The following PCDHGA8 variants were observed in gnomAD, a reference collection of about 807,000 sequenced individuals.
PCDHGA8 encodes the protein protocadherin gamma subfamily A, 8.
A neutral mutation model predicts 59.2 loss-of-function variants in PCDHGA8; 45 were observed. The observed-to-expected ratio is 0.76, with a 90% CI of 0.60 to 0.98. The LOEUF (loss-of-function observed/expected upper bound fraction) is 0.98, where lower values mean the gene tolerates loss of function less well. PCDHGA8 is among the 50% of genes least tolerant of loss of function. The pLI is 0.00. For missense variants in PCDHGA8, 1,257 were observed against 1,196.2 expected (o/e 1.05, Z -0.75); for synonymous variants, 531 against 519.0 (o/e 1.02, Z -0.32).
At chr5:141,454,267 A>G (rs1270638226) in intron 1 of PCDHGA8, among the ~76,000 whole-genome samples, 1 of 152,254 alleles carries the variant, frequency 6.6e-6, no homozygotes, top group Non-Finnish European at 1.5e-5. Context: ...AAGTAATGCC[A>G]GCAAAAACTT....
rs544565104 is a variant in PCDHGA8, at chr5:141,489,014, G to A, written c.2425-5793G>A. 2.5e-5 allele frequency: 11 copies of A among 433,976 alleles called. No individual in the cohort carries two copies. The highest frequency in any genetic ancestry group is 1.6e-4 in the Admixed American group (4 of 25,754). The allele number at this position is 433,976 out of a possible 1,614,324, so 26.9% of individuals were successfully genotyped here. On this transcript the variant is annotated intron_variant, in intron 1 of 3. Coordinates refer to ENST00000398604, the MANE Select transcript of PCDHGA8 (RefSeq NM_032088.2). This position sits in a 1 kb window ranked among gnomAD's most constrained non-coding sequence, Gnocchi z 4.5. ...GGTGGGAGATCTGCTCTTCCAGCCC[G>A]CCTCTCCTCCTCCAGCTCCCCAGCT... is the stretch of plus-strand genomic sequence containing the variant.
intron 1 of PCDHGA8, among the ~76,000 whole-genome samples, chr5:141,450,685 C>T (rs542985781): frequency 6.6e-6 from 1 of 152,020 alleles, no homozygotes; most frequent in South Asian, 2.1e-4. Context: ...CGGGGTTTTG[C>T]CATGTTGCCC....
chr5:141,404,072 C>G, intron 1 of PCDHGA8: 3 of 1,613,626 alleles, frequency 1.9e-6, no homozygotes, highest in Non-Finnish European at 2.5e-6. Context: ...TGCTCATGAC[C>G]GAGACTCCGG....
chr5:141,486,169 A>T lies in PCDHGA8; in HGVS notation c.2425-8638A>T. On this transcript the variant is annotated intron_variant, in intron 1 of 3. Transcript: ENST00000398604. The surrounding 1 kb of genome is among the most constrained non-coding windows in gnomAD (Gnocchi z 5.0). ...ATGGGGGTTCTCCAGCCATGGAGCA[A>T]CATTGCAGCCTTCGAGTGGATCTGC... 1 of 1,614,206 alleles carries T rather than the reference A, an allele frequency of 6.2e-7. No homozygotes were observed. Among genetic ancestry groups the T allele is most frequent in the Non-Finnish European group, 8.5e-7 (1 of 1,180,032 alleles).
chr5:141,418,111 A>G (rs763834283), intron 1 of PCDHGA8: 19 of 1,613,940 alleles, frequency 1.2e-5, no homozygotes, highest in Non-Finnish European at 1.5e-5. Context: ...GCGGGGACTT[A>G]CTTGTGAAGG....
At position 141,417,952 on chromosome 5, in the gene PCDHGA8, G is replaced by C. The variant is rs766243694; in HGVS notation, c.2424+22715G>C. 10 of 1,613,510 alleles carry C rather than the reference G, an allele frequency of 6.2e-6. No individual in the cohort carries two copies. In the African/African-American group the frequency reaches 1.3e-4, roughly 22 times the overall value. On this transcript the variant is annotated intron_variant, in intron 1 of 3. Coordinates refer to ENST00000398604, the MANE Select transcript of PCDHGA8 (RefSeq NM_032088.2). ...CTTTGTTCTACCCCACGCTGTGTGA[G>C]CCGATCCGCTACTCGATTCCGGAGG...
intron 1 of PCDHGA8, chr5:141,418,998 G>C (rs757681244): frequency 1.9e-6 from 3 of 1,613,940 alleles, no homozygotes; most frequent in South Asian, 1.1e-5. Context: ...GGGGAAAATG[G>C]GGAAGTCAGG....
At chr5:141,422,168 G>T in intron 1 of PCDHGA8, 2 of 1,563,582 alleles carry the variant, frequency 1.3e-6, no homozygotes, top group Non-Finnish European at 1.7e-6. Context: ...GAAAAATATA[G>T]ATTCTATGAG....
At chr5:141,447,027 T>TG (rs563674341) in intron 1 of PCDHGA8, among the ~76,000 whole-genome samples, 103 of 152,252 alleles carry the variant, frequency 6.8e-4, no homozygotes, top group South Asian at 2.3e-3. Flanking sequence ...TGTTTTGTTT[T>TG]TTTTCTGTGT....
intron 1 of PCDHGA8, chr5:141,430,849 G>A: frequency 6.3e-7 from 1 of 1,582,030 alleles, no homozygotes; most frequent in Non-Finnish European, 8.6e-7. Flanking sequence ...GATGCACCCA[G>A]ATACGCTATT....
At chr5:141,399,532 C>G (rs552966531) in intron 1 of PCDHGA8, 28 of 1,614,066 alleles carry the variant, frequency 1.7e-5, no homozygotes, top group Non-Finnish European at 2.2e-5. Flanking sequence ...CTCCATCGCG[C>G]AAGTCTGCGC....
intron 1 of PCDHGA8, chr5:141,411,213 CTATT>C (rs1479996814): frequency 1.3e-5 from 2 of 152,186 alleles, no homozygotes; most frequent in African/African-American, 2.4e-5. Context: ...AGTAACCTAT[CTATT>C]CAAATTTGCG....
chr5:141,398,900 G>C (rs765284630), intron 1 of PCDHGA8: 1 of 1,613,964 alleles, frequency 6.2e-7, no homozygotes, highest in South Asian at 1.1e-5. Context: ...GTGCCACCAG[G>C]CACCACTGTG....
chr5:141,486,590 C>T lies in PCDHGA8; in HGVS notation c.2425-8217C>T, dbSNP rs781629297. On this transcript the variant is annotated intron_variant, in intron 1 of 3. Transcript: ENST00000398604. This position sits in a 1 kb window ranked among gnomAD's most constrained non-coding sequence, Gnocchi z 5.0. Reference sequence around the variant, plus strand: ...TCCTGAGAACAATCGCCCAGGGGACCTGCTTTGCTCCCTTGCAGCCTCTGA... The same window carrying T: ...TCCTGAGAACAATCGCCCAGGGGACTTGCTTTGCTCCCTTGCAGCCTCTGA... The T allele has an allele frequency of 6.2e-7, 1 of 1,613,640 alleles. No individual in the cohort carries two copies.
intron 1 of PCDHGA8, chr5:141,413,055 C>G: frequency 9.8e-7 from 1 of 1,019,544 alleles, no homozygotes; most frequent in Non-Finnish European, 1.4e-6. Flanking sequence ...GGGAAGCTCA[C>G]TCCAGAATTT....
At chr5:141,430,877 G>T in intron 1 of PCDHGA8, 1 of 1,600,796 alleles carries the variant, frequency 6.2e-7, no homozygotes. Flanking sequence ...GGAAGAGCTG[G>T]AGAAAGGCTC....
Position 141,491,757 on chromosome 5 carries a change from C to G in PCDHGA8, c.2425-3050C>G. ...CTGGGGGCGGCACTGGAGAAGCCGC[C>G]CGTCCTCATAAGGGATTGAACTTGC... On this transcript the variant is annotated intron_variant, in intron 1 of 3. Coordinates refer to ENST00000398604, the MANE Select transcript of PCDHGA8 (RefSeq NM_032088.2). This position sits in a 1 kb window ranked among gnomAD's most constrained non-coding sequence, Gnocchi z 6.9. 1 of 1,580,374 alleles carries G rather than the reference C, an allele frequency of 6.3e-7. No individual in the cohort carries two copies. The highest frequency in any genetic ancestry group is 1.9e-5 in the Admixed American group (1 of 53,534).
intron 1 of PCDHGA8, among the ~76,000 whole-genome samples, chr5:141,465,017 C>T (rs1278815002): frequency 6.6e-6 from 1 of 152,132 alleles, no homozygotes; most frequent in Non-Finnish European, 1.5e-5. Context: ...GCTAAGATTA[C>T]AGCCATGAAC....
intron 3 of PCDHGA8, among the ~76,000 whole-genome samples, chr5:141,505,999 G>A (rs891447053): frequency 1.3e-5 from 2 of 152,172 alleles, no homozygotes; most frequent in African/African-American, 4.8e-5. Flanking sequence ...TTTATGCGAG[G>A]CTCCTCTTTT....
Sources: allele counts gnomAD v4.1 joint callset (sites outside exome capture counted in the v4.1 genomes callset), GRCh38; gene constraint gnomAD v4.1.1; non-coding constraint Gnocchi (gnomAD v3.1); transcripts MANE v1.5; gene names NCBI Gene and HGNC (gene_info 2026-07-23, HGNC 2026-07-21).